CEP128: variants seen among roughly 807,000 people sequenced by gnomAD.
CEP128 encodes the protein centrosomal protein 128kDa.
A neutral mutation model predicts 156.7 loss-of-function variants in CEP128; 132 were observed. The observed-to-expected ratio is 0.84, with a 90% CI of 0.73 to 0.97. The LOEUF (loss-of-function observed/expected upper bound fraction) is 0.97. CEP128 is among the 50% of genes least tolerant of loss of function. CEP128 has a pLI of 0.00. For synonymous variants in CEP128, 469 were observed against 448.9 expected (o/e 1.04, Z -0.57); for missense variants, 1,252 against 1,281.9 (o/e 0.98, Z 0.36).
At chr14:80,750,281 G>A (rs924343407) in intron 18 of CEP128, among the ~76,000 whole-genome samples, 3 of 152,212 alleles carry the variant, frequency 2.0e-5, no homozygotes, top group African/African-American at 7.2e-5. Flanking sequence ...TGTTGGAAAT[G>A]AATAAAGAAT....
chr14:80,555,379 C>A (rs1269979386), intron 21 of CEP128, among the ~76,000 whole-genome samples: 1 of 152,032 alleles, frequency 6.6e-6, no homozygotes, highest in Non-Finnish European at 1.5e-5. Flanking sequence ...TGTTCACAGA[C>A]AATAAATTTT....
At chr14:80,702,002 C>G (rs1897092740) in intron 19 of CEP128, among the ~76,000 whole-genome samples, 1 of 152,168 alleles carries the variant, frequency 6.6e-6, no homozygotes, top group African/African-American at 2.4e-5. Context: ...CTGAATGGAA[C>G]CCACTCTGAT....
At chr14:80,687,492 A>T (rs1896568679) in intron 19 of CEP128, among the ~76,000 whole-genome samples, 1 of 152,142 alleles carries the variant, frequency 6.6e-6, no homozygotes, top group Non-Finnish European at 1.5e-5. Flanking sequence ...ACAGAAAACC[A>T]AATACCTCAT....
chr14:80,776,550 T>G (rs1034628167), intron 16 of CEP128, among the ~76,000 whole-genome samples: 3 of 147,998 alleles, frequency 2.0e-5, no homozygotes, highest in Admixed American at 1.4e-4. Flanking sequence ...ATTATATATA[T>G]TATTATATAT....
chr14:80,807,358 T>C (rs73344651), intron 13 of CEP128, among the ~76,000 whole-genome samples: 3,167 of 152,284 alleles, frequency 0.021, 41 homozygotes, highest in Middle Eastern at 0.068. Context: ...TCAATTTGAA[T>C]TCAAGATGGC....
At chr14:80,561,791 C>T (rs1254864999) in intron 20 of CEP128, among the ~76,000 whole-genome samples, 1 of 151,598 alleles carries the variant, frequency 6.6e-6, no homozygotes, top group Non-Finnish European at 1.5e-5. Flanking sequence ...TGTATGAGTA[C>T]CTTCATTTTA....
chr14:80,647,035 ATG>A (rs1166720919), intron 19 of CEP128, among the ~76,000 whole-genome samples: 2,964 of 27,244 alleles, frequency 0.11, 267 homozygotes, highest in Non-Finnish European at 0.18. Flanking sequence ...ATATGTGTGC[ATG>A]TATATATATA....
At chr14:80,536,677 C>T (rs1889498522) in intron 21 of CEP128, among the ~76,000 whole-genome samples, 1 of 152,174 alleles carries the variant, frequency 6.6e-6, no homozygotes, top group Non-Finnish European at 1.5e-5. Context: ...GTATTGGCTT[C>T]ATAGGGCCCT....
intron 8 of CEP128, among the ~76,000 whole-genome samples, chr14:80,871,725 T>C (rs775280123): frequency 2.6e-5 from 4 of 152,128 alleles, no homozygotes; most frequent in African/African-American, 9.6e-5. Context: ...AAAAAATTCA[T>C]ATTTACCAGA....
chr14:80,791,800 G>A (rs1200973163), intron 14 of CEP128, among the ~76,000 whole-genome samples: 2 of 152,136 alleles, frequency 1.3e-5, no homozygotes, highest in Non-Finnish European at 2.9e-5. Flanking sequence ...ATATGTAAAA[G>A]ATAAAGCATC....
intron 19 of CEP128, among the ~76,000 whole-genome samples, chr14:80,661,199 T>TC (rs146756305): frequency 0.027 from 4,043 of 151,970 alleles, 180 homozygotes; most frequent in African/African-American, 0.092. Context: ...TAAAACGTGC[T>TC]CCCCCCCACA....
chr14:80,514,813 G>T (rs975505059), intron 23 of CEP128: 2 of 198,536 alleles, frequency 1.0e-5, no homozygotes, highest in Admixed American at 5.5e-5. Flanking sequence ...GAAGAGTTGG[G>T]TATCTATTGT....
At chr14:80,682,446 T>C (rs1451916610) in intron 19 of CEP128, among the ~76,000 whole-genome samples, 1 of 152,202 alleles carries the variant, frequency 6.6e-6, no homozygotes, top group Non-Finnish European at 1.5e-5. Flanking sequence ...TATGGAATTA[T>C]GTAAAGTGAC....
At chr14:80,577,326 C>T (rs1472747900) in intron 20 of CEP128, among the ~76,000 whole-genome samples, 1 of 152,124 alleles carries the variant, frequency 6.6e-6, no homozygotes, top group Non-Finnish European at 1.5e-5. Flanking sequence ...GATCAAACAC[C>T]TTCTGAGCTC....
At chr14:80,932,627 T>C (rs1033624708) in intron 2 of CEP128, among the ~76,000 whole-genome samples, 1 of 152,128 alleles carries the variant, frequency 6.6e-6, no homozygotes, top group East Asian at 1.9e-4. Flanking sequence ...CTGTCTCCCA[T>C]GACCCCAAGA....
At chr14:80,759,875 T>C (rs1464163578) in intron 17 of CEP128, among the ~76,000 whole-genome samples, 4 of 150,784 alleles carry the variant, frequency 2.7e-5, no homozygotes, top group Non-Finnish European at 4.4e-5. Context: ...AAACTGTGTA[T>C]ATATATGCAC....
intron 13 of CEP128, among the ~76,000 whole-genome samples, chr14:80,802,794 A>T (rs977031213): frequency 1.7e-4 from 26 of 152,204 alleles, no homozygotes; most frequent in Admixed American, 1.3e-3. Flanking sequence ...CTTGAGAAAG[A>T]TTAATCACCA....
intron 21 of CEP128, among the ~76,000 whole-genome samples, chr14:80,533,431 T>C (rs1485805361): frequency 6.6e-6 from 1 of 152,214 alleles, no homozygotes; most frequent in African/African-American, 2.4e-5. Context: ...GTAAATGATC[T>C]CTTACCCTAC....
intron 15 of CEP128, among the ~76,000 whole-genome samples, chr14:80,782,533 C>A (rs1424857866): frequency 6.6e-6 from 1 of 152,182 alleles, no homozygotes; most frequent in African/African-American, 2.4e-5. Flanking sequence ...CTCCTAATTT[C>A]TTGGTGCACT....
Sources: allele counts gnomAD v4.1 joint callset (sites outside exome capture counted in the v4.1 genomes callset), GRCh38; gene constraint gnomAD v4.1.1; transcripts MANE v1.5; gene names NCBI Gene and HGNC (gene_info 2026-07-23, HGNC 2026-07-21).